IQCH: variants seen among roughly 807,000 people sequenced by gnomAD.
IQCH encodes the protein IQ motif containing H.
In IQCH, 98 loss-of-function variants were observed where a neutral mutation model predicts 117.0. The ratio of observed to expected loss-of-function variants is 0.84; its 90% CI spans 0.71 to 0.99. The LOEUF (loss-of-function observed/expected upper bound fraction) is 0.99. IQCH is among the 50% of genes least tolerant of loss of function. The probability of loss-of-function intolerance (pLI) is 0.00; values close to 1 mark genes in which losing one functional copy is unlikely to be tolerated. For missense variants in IQCH, 1,102 were observed against 1,243.8 expected (o/e 0.89, Z 1.72); for synonymous variants, 412 against 448.2 (o/e 0.92, Z 1.02).
At chr15:67,338,035 T>C (rs1968971142) in intron 5 of IQCH, among the ~76,000 whole-genome samples, 1 of 152,242 alleles carries the variant, frequency 6.6e-6, no homozygotes, top group East Asian at 1.9e-4. Flanking sequence ...TTCAGCAATC[T>C]TTGTGACATA....
chr15:67,447,896 T>C lies in IQCH; in HGVS notation c.2506-17231T>C, dbSNP rs2082425518. ...GCCAGATTTATGCTAATATATATTC[T>C]TTCTTCCAGATCATGACTGCTTATG... On this transcript the variant is annotated intron_variant, in intron 16 of 20. Coordinates refer to ENST00000335894, the MANE Select transcript of IQCH (RefSeq NM_001031715.3). This position sits in a 1 kb window ranked among gnomAD's most constrained non-coding sequence, Gnocchi z 5.3. 6.6e-6 allele frequency among the ~76,000 whole-genome samples: 1 copy of C among 152,208 alleles called. No individual in the cohort carries two copies. The highest frequency in any genetic ancestry group is 1.5e-5 in the Non-Finnish European group (1 of 68,046).
chr15:67,496,259 G>C lies in IQCH; in HGVS notation c.2970+1893G>C, dbSNP rs1015556197. Among the ~76,000 whole-genome samples, 1 of 152,180 alleles carries C rather than the reference G, an allele frequency of 6.6e-6. No individual in the cohort carries two copies. The highest frequency in any genetic ancestry group is 1.5e-5 in the Non-Finnish European group (1 of 68,034). ...TTGAGCCTGGGAGGTTGAGGCTGCA[G>C]TGAGTCTGGGTGATGGGAGTAAGAA... On this transcript the variant is annotated intron_variant, in intron 20 of 20. Transcript: ENST00000335894. This position sits in a 1 kb window ranked among gnomAD's most constrained non-coding sequence, Gnocchi z 4.4.
intron 1 of IQCH, among the ~76,000 whole-genome samples, chr15:67,259,502 T>G (rs2140426973): frequency 6.6e-6 from 1 of 152,356 alleles, no homozygotes; most frequent in Non-Finnish European, 1.5e-5. Context: ...TGCCTTTTAT[T>G]GAGTTCTTGC....
rs1053566458 is a variant in IQCH, at chr15:67,427,749, A to G, written c.2505+6172A>G. On this transcript the variant is annotated intron_variant, in intron 16 of 20. Coordinates refer to ENST00000335894, the MANE Select transcript of IQCH (RefSeq NM_001031715.3). This position sits in a 1 kb window ranked among gnomAD's most constrained non-coding sequence, Gnocchi z 4.7. ...AAATTATCACCAGGAAATAATCACA[A>G]AGATTTAAATACACATATATTAATC... 6.6e-6 allele frequency among the ~76,000 whole-genome samples: 1 copy of G among 152,236 alleles called. No individual in the cohort carries two copies. The highest frequency in any genetic ancestry group is 1.5e-5 in the Non-Finnish European group (1 of 68,044).
At chr15:67,489,276 G>A (rs1442695831) in intron 18 of IQCH, among the ~76,000 whole-genome samples, 3 of 151,644 alleles carry the variant, frequency 2.0e-5, no homozygotes, top group Non-Finnish European at 4.4e-5. Flanking sequence ...CTCGTGATCC[G>A]CCTGCCTCGG....
intron 4 of IQCH, chr15:67,304,249 C>A: frequency 1.7e-6 from 1 of 582,206 alleles, no homozygotes; most frequent in Non-Finnish European, 2.9e-6. Context: ...TAATTATTTC[C>A]AAAGAACTTT....
rs1041770549 is a variant in IQCH at position 67,501,418 on chromosome 15, C to G, written c.*672C>G. The G allele has an allele frequency of 2.6e-5, 4 of 152,032 alleles. No homozygotes were observed. Among genetic ancestry groups the G allele is most frequent in the Non-Finnish European group, 4.4e-5 (3 of 68,026 alleles). The allele number at this position is 152,032 out of a possible 1,614,324, so 9.4% of individuals were successfully genotyped here. ...AGTTTAAGATGGAGTGTAGCTCGAGCTCTGTAGCTTGAATAAACATTTGTA... is the reference window on the plus strand; with the variant it reads ...AGTTTAAGATGGAGTGTAGCTCGAGGTCTGTAGCTTGAATAAACATTTGTA... On this transcript the variant is annotated 3_prime_UTR_variant, in exon 21 of 21. Transcript: ENST00000335894. The surrounding 1 kb of genome is among the most constrained non-coding windows in gnomAD (Gnocchi z 5.2).
chr15:67,377,115 CAAAAAAA>C (rs5813442), intron 10 of IQCH, among the ~76,000 whole-genome samples: 1 of 82,040 alleles, frequency 1.2e-5, no homozygotes, highest in Non-Finnish European at 2.4e-5. Flanking sequence ...GACTCCATCT[CAAAAAAA>C]AAAAAAAAAG....
intron 4 of IQCH, among the ~76,000 whole-genome samples, chr15:67,292,714 C>G (rs1368631508): frequency 2.0e-5 from 3 of 152,118 alleles, no homozygotes; most frequent in African/African-American, 4.8e-5. Flanking sequence ...ACATTTCACC[C>G]CTTAATGCTT....
In IQCH at chr15:67,386,449, G is replaced by A. The variant is rs1250708543; in HGVS notation, c.1456+1430G>A. Among the ~76,000 whole-genome samples the A allele has an allele frequency of 6.6e-6, 1 of 152,040 alleles. No homozygotes were observed. Among genetic ancestry groups the A allele is most frequent in the Non-Finnish European group, 1.5e-5 (1 of 68,018 alleles). ...TATATAGTCTTCATGATATAGCAAG[G>A]CAATCATAAAAAGTCTTCAAGAGGA... On this transcript the variant is annotated intron_variant, in intron 11 of 20. Coordinates refer to ENST00000335894, the MANE Select transcript of IQCH (RefSeq NM_001031715.3). This position sits in a 1 kb window ranked among gnomAD's most constrained non-coding sequence, Gnocchi z 5.0.
intron 16 of IQCH, among the ~76,000 whole-genome samples, chr15:67,455,389 A>G (rs1359929985): frequency 6.6e-6 from 1 of 152,186 alleles, no homozygotes; most frequent in Non-Finnish European, 1.5e-5. Flanking sequence ...TGTGAGCCGC[A>G]TGCCTGGGGT....
In IQCH at chr15:67,372,679, G is replaced by C; in HGVS notation, c.1305+17G>C. On this transcript the variant is annotated intron_variant, in intron 9 of 20. Transcript: ENST00000335894. Reference sequence around the variant, plus strand: ...CGAGCCAAGGTGCACAAGGCTGCCAGCTGTTAAGGCAGACCTCTTTTTCTA... The same window carrying C: ...CGAGCCAAGGTGCACAAGGCTGCCACCTGTTAAGGCAGACCTCTTTTTCTA... The C allele has an allele frequency of 6.4e-7, 1 of 1,566,620 alleles. No homozygotes were observed. The highest frequency in any genetic ancestry group is 2.2e-5 in the East Asian group (1 of 44,448).
rs112715033 is a variant in IQCH at position 67,310,552 on chromosome 15, C to T, written c.388-26423C>T. 5.7e-3 allele frequency among the ~76,000 whole-genome samples: 867 copies of T among 152,218 alleles called. 7 individuals are homozygous for T. Among genetic ancestry groups the T allele is most frequent in the African/African-American group, 0.02 (820 of 41,554 alleles). The stretch of plus-strand genomic sequence containing the variant: ...TTAGTATTAGAACACATGTGTGCTA[C>T]TATCAATTAAAAGCCAGGAAAGTTC... On this transcript the variant is annotated intron_variant, in intron 4 of 20. Coordinates refer to ENST00000335894, the MANE Select transcript of IQCH (RefSeq NM_001031715.3).
chr15:67,258,531 C>A (rs375230295), intron 1 of IQCH, among the ~76,000 whole-genome samples: 447 of 137,132 alleles, frequency 3.3e-3, no homozygotes, highest in African/African-American at 3.6e-3. Context: ...GACTTCATCT[C>A]AAAAAAAAAA....
chr15:67,462,656 T>C (rs1233293235), intron 16 of IQCH, among the ~76,000 whole-genome samples: 3 of 152,100 alleles, frequency 2.0e-5, no homozygotes, highest in Non-Finnish European at 2.9e-5. Flanking sequence ...CTCTTTCCCC[T>C]ACACTGTGCT....
At chr15:67,374,065 A>ATT (rs1567137481) in intron 10 of IQCH, 2 of 152,556 alleles carry the variant, frequency 1.3e-5, no homozygotes, top group Non-Finnish European at 2.9e-5. Context: ...GGAACTTAAA[A>ATT]GCTGTTGTCT....
chr15:67,262,401 A>G (rs141390147), intron 2 of IQCH, among the ~76,000 whole-genome samples: 8 of 152,206 alleles, frequency 5.3e-5, no homozygotes, highest in Non-Finnish European at 7.4e-5. Flanking sequence ...TTAATCTACT[A>G]TGTTATCTGC....
chr15:67,462,045 G>A (rs2082810777), intron 16 of IQCH, among the ~76,000 whole-genome samples: 1 of 151,842 alleles, frequency 6.6e-6, no homozygotes, highest in East Asian at 2.0e-4. Context: ...GCCCAGGATC[G>A]TCTTGAACTC....
At chr15:67,338,409 A>C (rs1335473995) in intron 5 of IQCH, among the ~76,000 whole-genome samples, 2 of 152,226 alleles carry the variant, frequency 1.3e-5, no homozygotes, top group Non-Finnish European at 1.5e-5. Flanking sequence ...TTAATAAATT[A>C]ATCGGCATAT....
Sources: gnomAD v4.1 joint callset for allele counts (sites outside exome capture counted in the v4.1 genomes callset) on GRCh38, gnomAD v4.1.1 for gene constraint, Gnocchi (gnomAD v3.1) non-coding constraint, MANE v1.5 for transcripts, NCBI Gene and HGNC (gene_info 2026-07-23, HGNC 2026-07-21) for gene names.